The following C1GALT1 variants were observed in gnomAD, a reference collection of about 807,000 sequenced individuals.
The protein encoded by C1GALT1 is core 1 synthase, glycoprotein-N-acetylgalactosamine 3-beta-galactosyltransferase 1, also known as glycoprotein-N-acetylgalactosamine 3-beta-galactosyltransferase 1.
In C1GALT1, 11 loss-of-function variants were observed where a neutral mutation model predicts 31.0. The ratio of observed to expected loss-of-function variants is 0.36; its 90% CI spans 0.22 to 0.59. The LOEUF is 0.59. Among genes scored for constraint, C1GALT1 ranks in the 20% least tolerant of loss-of-function variants. The pLI is 0.79. For missense variants in C1GALT1, 424 were observed against 425.2 expected (o/e 1.00, Z 0.03); for synonymous variants, 175 against 143.6 (o/e 1.22, Z -1.56).
chr7:7,202,978 G>A (rs1781583611), intron 1 of C1GALT1, among the ~76,000 whole-genome samples: 1 of 151,484 alleles, frequency 6.6e-6, no homozygotes, highest in Non-Finnish European at 1.5e-5. Flanking sequence ...TTTTGCTGTT[G>A]TAAATGGAAT....
At chr7:7,174,317 C>A (rs551874367) in intron 2 of C1GALT1, among the ~76,000 whole-genome samples, 1 of 152,216 alleles carries the variant, frequency 6.6e-6, no homozygotes, top group Non-Finnish European at 1.5e-5. Flanking sequence ...ATTAATAAAG[C>A]TGCTGTAAAC....
chr7:7,241,238 T>G (rs539378121), intron 3 of C1GALT1, among the ~76,000 whole-genome samples: 1 of 152,122 alleles, frequency 6.6e-6, no homozygotes, highest in African/African-American at 2.4e-5. Flanking sequence ...GAGCTCCTGA[T>G]TTTTTTAAAT....
chr7:7,213,636 T>C (rs1782107039), intron 1 of C1GALT1, among the ~76,000 whole-genome samples: 1 of 152,162 alleles, frequency 6.6e-6, no homozygotes, highest in Non-Finnish European at 1.5e-5. Flanking sequence ...AATCTTTCAT[T>C]AGCCTTTACT....
chr7:7,157,684 C>A (rs1024493269), intron 2 of C1GALT1, among the ~76,000 whole-genome samples: 12 of 152,258 alleles, frequency 7.9e-5, no homozygotes, highest in African/African-American at 2.9e-4. Flanking sequence ...CCTAAAGATA[C>A]TCTTTTGAAG....
chr7:7,213,539 C>T (rs1163972013), intron 1 of C1GALT1, among the ~76,000 whole-genome samples: 2 of 152,164 alleles, frequency 1.3e-5, no homozygotes, highest in African/African-American at 4.8e-5. Context: ...CAGGGGCCCT[C>T]TGAGCCATCC....
At chr7:7,182,223 G>A (rs1260207648), upstream of C1GALT1, among the ~76,000 whole-genome samples, 3 of 152,202 alleles carry the variant, frequency 2.0e-5, no homozygotes, top group East Asian at 1.9e-4. Flanking sequence ...GTTAGAGCCT[G>A]TACCTCAGAC....
At position 7,189,444 on chromosome 7, in the gene C1GALT1, T is replaced by C. The variant is rs1287915924; in HGVS notation, c.-18+6624T>C. 2.6e-5 allele frequency among the ~76,000 whole-genome samples: 4 copies of C among 152,218 alleles called. No homozygotes were observed. The East Asian group carries it at 7.7e-4, about 29-fold the overall frequency. ...GTGTCAATAACAGCTGTTAATAAAC[T>C]TTAAAAGTTTTGCCAATATGTTAGG... is the stretch of plus-strand genomic sequence containing the variant. On this transcript the variant is annotated intron_variant, in intron 1 of 3. Coordinates refer to ENST00000436587, the MANE Select transcript of C1GALT1 (RefSeq NM_020156.5).
chr7:7,182,337 T>G (rs758263), upstream of C1GALT1, among the ~76,000 whole-genome samples: 78,304 of 152,086 alleles, frequency 0.51, 21,121 homozygotes, highest in East Asian at 0.92. Flanking sequence ...GGATCAGAAA[T>G]GCGGAGAGTA....
At chr7:7,198,153 A>G (rs932352850) in intron 1 of C1GALT1, among the ~76,000 whole-genome samples, 1 of 152,202 alleles carries the variant, frequency 6.6e-6, no homozygotes, top group African/African-American at 2.4e-5. Flanking sequence ...CCCATTGAGT[A>G]TGATATTGGC....
In C1GALT1 at chr7:7,234,492, A is replaced by G. The variant is rs746772627; in HGVS notation, c.173A>G (p.His58Arg). ...ARHSDDNGQNHLEGQMNFNAD... is the reference protein window; with the variant it reads ...ARHSDDNGQNRLEGQMNFNAD... Reference sequence around the variant, plus strand: ...CATTCAGATGATAATGGACAGAATCATCTAGAAGGACAAATGAACTTCAAT... The same window carrying G: ...CATTCAGATGATAATGGACAGAATCGTCTAGAAGGACAAATGAACTTCAAT... Residue 58 changes from histidine to arginine, a missense_variant, in exon 2 of 4, where the codon CAT (histidine) becomes CGT (arginine). Transcript: ENST00000436587. The G allele has an allele frequency of 6.2e-7, 1 of 1,613,846 alleles. No homozygotes were observed. Among genetic ancestry groups the G allele is most frequent in the Admixed American group, 1.7e-5 (1 of 60,024 alleles).
chr7:7,185,548 C>T (rs1780776268), intron 1 of C1GALT1, among the ~76,000 whole-genome samples: 1 of 152,124 alleles, frequency 6.6e-6, no homozygotes, highest in South Asian at 2.1e-4. Context: ...GTGTTACTGC[C>T]AATCCTTAGC....
Position 7,208,172 on chromosome 7 carries a change from G to A in C1GALT1, c.-18+25352G>A, listed in dbSNP as rs540460665. Among the ~76,000 whole-genome samples the A allele has an allele frequency of 1.2e-4, 19 of 152,260 alleles. No individual in the cohort carries two copies. The South Asian group carries it at 2.1e-3, about 17-fold the overall frequency. On this transcript the variant is annotated intron_variant, in intron 1 of 3. Transcript: ENST00000436587. ...TTAGGTTGACTCTCGTGGTATTGCA[G>A]TGCTTGTGTTCAGTTCAATAAAGTT...
At chr7:7,237,838 T>C (rs1783434821) in intron 2 of C1GALT1, among the ~76,000 whole-genome samples, 1 of 152,130 alleles carries the variant, frequency 6.6e-6, no homozygotes, top group Admixed American at 6.6e-5. Context: ...GCTGCTTTCT[T>C]TTATGAAGTG....
chr7:7,214,154 TAA>T (rs989411358), intron 1 of C1GALT1, among the ~76,000 whole-genome samples: 16 of 152,172 alleles, frequency 1.1e-4, no homozygotes, highest in African/African-American at 3.9e-4. Context: ...CCCCCAAACT[TAA>T]AACACAGTAG....
At chr7:7,182,876 C>T in intron 1 of C1GALT1, 56 bp downstream of exon 1, 1 of 981,708 alleles carries the variant, frequency 1.0e-6, no homozygotes, top group African/African-American at 1.7e-5. Context: ...TCTCCCCTCG[C>T]CCTCCCCCCT....
At chr7:7,214,834 C>T (rs1239755912) in intron 1 of C1GALT1, among the ~76,000 whole-genome samples, 1 of 152,226 alleles carries the variant, frequency 6.6e-6, no homozygotes, top group Non-Finnish European at 1.5e-5. Context: ...ATACTTTCCA[C>T]TTGCCTGGGG....
At chr7:7,192,167 T>G (rs1207518221) in intron 1 of C1GALT1, among the ~76,000 whole-genome samples, 2 of 152,012 alleles carry the variant, frequency 1.3e-5, no homozygotes, top group East Asian at 1.9e-4. Context: ...TCAATAGGCT[T>G]TTGGGGAACA....
At chr7:7,203,957 T>C (rs533374217) in intron 1 of C1GALT1, among the ~76,000 whole-genome samples, 85 of 152,068 alleles carry the variant, frequency 5.6e-4, no homozygotes, top group Non-Finnish European at 1.1e-3. Context: ...TTAACACATC[T>C]CTCCCTATGC....
Position 7,238,692 on chromosome 7 carries a change from T to C in C1GALT1, c.658T>C (p.Leu220=). 1 of 1,614,074 alleles carries C rather than the reference T, an allele frequency of 6.2e-7. No homozygotes were observed. Among genetic ancestry groups the C allele is most frequent in the Non-Finnish European group, 8.5e-7 (1 of 1,179,952 alleles). ...AGGATATGTACTAAGCAAAGAAGCCTTGAAAAGATTTGTTGATGCATTTAA... is the reference window on the plus strand; with the variant it reads ...AGGATATGTACTAAGCAAAGAAGCCCTGAAAAGATTTGTTGATGCATTTAA... ...GAGYVLSKEA[L]KRFVDAFKTD... is the part of the protein sequence containing the mutation. Residue 220 remains leucine (L), a synonymous_variant, in exon 3 of 4, where the codon TTG becomes CTG. Coordinates refer to ENST00000436587, the MANE Select transcript of C1GALT1 (RefSeq NM_020156.5). This position sits in a 1 kb window ranked among gnomAD's most constrained non-coding sequence, Gnocchi z 5.2.
Sources: gnomAD v4.1 joint callset for allele counts (sites outside exome capture counted in the v4.1 genomes callset) on GRCh38, gnomAD v4.1.1 for gene constraint, Gnocchi (gnomAD v3.1) non-coding constraint, MANE v1.5 for transcripts, NCBI Gene and HGNC (gene_info 2026-07-23, HGNC 2026-07-21) for gene names.